Variants in UGT1A10 observed in about 807,000 individuals in gnomAD.
The protein encoded by UGT1A10 is UDP-glucuronosyltransferase 1A10.
UGT1A10 carries 49 observed loss-of-function variants against 45.8 expected under a neutral mutation model. The observed-to-expected ratio is 1.07, with a 90% CI of 0.85 to 1.36. The LOEUF (loss-of-function observed/expected upper bound fraction) is 1.36, where lower values mean the gene tolerates loss of function less well. Among genes scored for constraint, UGT1A10 ranks in the 40% most tolerant of loss-of-function variants. The pLI is 0.00. For missense variants in UGT1A10, 745 were observed against 668.6 expected (o/e 1.11, Z -1.26); for synonymous variants, 284 against 249.7 (o/e 1.14, Z -1.29).
At chr2:233,665,054 T>G (rs2074044396) in intron 1 of UGT1A10, among the ~76,000 whole-genome samples, 1 of 152,228 alleles carries the variant, frequency 6.6e-6, no homozygotes, top group Non-Finnish European at 1.5e-5. Context: ...TTTTTTGAAA[T>G]TATTTTATGC....
chr2:233,660,880 ATCT>A (rs1166028169), intron 1 of UGT1A10, among the ~76,000 whole-genome samples: 1 of 152,116 alleles, frequency 6.6e-6, no homozygotes, highest in African/African-American at 2.4e-5. Context: ...TGCTTCTGTT[ATCT>A]TGAGATTTTT....
intron 1 of UGT1A10, among the ~76,000 whole-genome samples, chr2:233,712,043 A>G (rs1015594398): frequency 2.6e-5 from 4 of 152,248 alleles, no homozygotes; most frequent in Non-Finnish European, 5.9e-5. Flanking sequence ...TTGACTTGGA[A>G]AAAAGCCTGA....
intron 1 of UGT1A10, among the ~76,000 whole-genome samples, chr2:233,662,887 G>A (rs557225384): frequency 2.0e-5 from 3 of 148,270 alleles, no homozygotes; most frequent in African/African-American, 7.4e-5. Context: ...TATTAAGATT[G>A]CTACATGGTT....
At chr2:233,690,157 C>A (rs1178614520) in intron 1 of UGT1A10, among the ~76,000 whole-genome samples, 1 of 152,204 alleles carries the variant, frequency 6.6e-6, no homozygotes, top group Non-Finnish European at 1.5e-5. Context: ...GATTCATTGA[C>A]ATGTAGTTAT....
At chr2:233,658,849 A>C (rs1327575986) in intron 1 of UGT1A10, among the ~76,000 whole-genome samples, 4 of 152,206 alleles carry the variant, frequency 2.6e-5, no homozygotes, top group Non-Finnish European at 5.9e-5. Context: ...AATATGTGAT[A>C]ATTATAGCTT....
chr2:233,728,331 C>T (rs1305680742), intron 1 of UGT1A10, among the ~76,000 whole-genome samples: 2 of 152,328 alleles, frequency 1.3e-5, no homozygotes, highest in South Asian at 2.1e-4. Flanking sequence ...CTCCAGCTCC[C>T]CCAGTCCCTT....
chr2:233,748,016 G>A (rs1039251990), intron 1 of UGT1A10: 59 of 1,613,480 alleles, frequency 3.7e-5, no homozygotes, highest in Middle Eastern at 1.7e-4. Flanking sequence ...ACCCCAGGCC[G>A]ATCATGCCCA....
At chr2:233,645,916 C>T (rs1291247235) in intron 1 of UGT1A10, among the ~76,000 whole-genome samples, 1 of 152,218 alleles carries the variant, frequency 6.6e-6, no homozygotes, top group African/African-American at 2.4e-5. Context: ...TGTTTGGGGG[C>T]TTCAACCCCA....
intron 1 of UGT1A10, among the ~76,000 whole-genome samples, chr2:233,749,315 G>T (rs2125898237): frequency 6.6e-6 from 1 of 151,862 alleles, no homozygotes; most frequent in Middle Eastern, 3.4e-3. Flanking sequence ...GTGTTTATTA[G>T]ATTTGTAACA....
At chr2:233,719,293 G>C (rs149433426) in intron 1 of UGT1A10, 125 of 1,613,828 alleles carry the variant, frequency 7.7e-5, no homozygotes, top group African/African-American at 2.0e-4. Context: ...AACCTCTGTG[G>C]GGCGGTGCTG....
intron 1 of UGT1A10, among the ~76,000 whole-genome samples, chr2:233,696,130 A>G (rs1401105954): frequency 6.6e-6 from 1 of 152,228 alleles, no homozygotes; most frequent in Non-Finnish European, 1.5e-5. Context: ...AACTGCCCCA[A>G]TATATCCCAT....
chr2:233,743,705 G>T (rs756391897), intron 1 of UGT1A10: 2 of 1,367,306 alleles, frequency 1.5e-6, no homozygotes, highest in Non-Finnish European at 9.8e-7. Context: ...CTCCGCCCCC[G>T]CCTCGCCATA....
chr2:233,647,048 A>G (rs986082998), intron 1 of UGT1A10, among the ~76,000 whole-genome samples: 1 of 152,222 alleles, frequency 6.6e-6, no homozygotes, highest in Non-Finnish European at 1.5e-5. Flanking sequence ...AGAAAGTCAC[A>G]TCCTCCATGG....
chr2:233,730,859 C>T (rs532557812), intron 1 of UGT1A10, among the ~76,000 whole-genome samples: 75 of 152,214 alleles, frequency 4.9e-4, no homozygotes, highest in African/African-American at 1.5e-3. Context: ...CCAAACCCAC[C>T]CTACTGCACT....
At position 233,712,249 on chromosome 2, in the gene UGT1A10, T is replaced by C. The variant is rs1173166016; in HGVS notation, c.856-54785T>C. 2.0e-5 allele frequency among the ~76,000 whole-genome samples: 3 copies of C among 152,232 alleles called. No individual in the cohort carries two copies. The East Asian group carries it at 5.8e-4, about 29-fold the overall frequency. On this transcript the variant is annotated intron_variant, in intron 1 of 4. Coordinates refer to ENST00000344644, the MANE Select transcript of UGT1A10 (RefSeq NM_019075.4). ...CCACCATGGGTCTTTGCTAGGGTTGTCTTGCACATGTGTGCTTTAGACAGC... is the reference window on the plus strand; with the variant it reads ...CCACCATGGGTCTTTGCTAGGGTTGCCTTGCACATGTGTGCTTTAGACAGC...
chr2:233,642,274 G>A (rs2073472779), intron 1 of UGT1A10, among the ~76,000 whole-genome samples: 1 of 152,060 alleles, frequency 6.6e-6, no homozygotes, highest in African/African-American at 2.4e-5. Context: ...TATTTCTTGT[G>A]TTTGGTCCAT....
At chr2:233,725,311 C>A (rs57258852) in intron 1 of UGT1A10, among the ~76,000 whole-genome samples, 1 of 47,288 alleles carries the variant, frequency 2.1e-5, no homozygotes, top group Non-Finnish European at 3.9e-5. Flanking sequence ...GAGGCAGAGG[C>A]AGAGGCGCCT....
chr2:233,713,981 G>T (rs2076360150), intron 1 of UGT1A10: 1 of 1,588,484 alleles, frequency 6.3e-7, no homozygotes, highest in Non-Finnish European at 8.6e-7. Context: ...GCTTCTCATT[G>T]TTGTAATAGT....
chr2:233,720,168 A>G (rs957295954), intron 1 of UGT1A10, among the ~76,000 whole-genome samples: 6 of 152,154 alleles, frequency 3.9e-5, no homozygotes, highest in Non-Finnish European at 7.3e-5. Context: ...AGTGTCAAAG[A>G]GGTTGACTCA....
Sources: allele counts gnomAD v4.1 joint callset (sites outside exome capture counted in the v4.1 genomes callset), GRCh38; gene constraint gnomAD v4.1.1; transcripts MANE v1.5; gene names NCBI Gene and HGNC (gene_info 2026-07-23, HGNC 2026-07-21).